The following ERC1 variants were observed in gnomAD, a reference collection of about 807,000 sequenced individuals.
ERC1 encodes RAB6 interacting protein 2.
Under a neutral mutation model 132.0 loss-of-function variants are expected in ERC1, and 56 were observed. That is an observed-to-expected ratio of 0.42 (90% CI 0.34 to 0.53). The LOEUF (loss-of-function observed/expected upper bound fraction) is 0.53. ERC1 is among the 20% of genes least tolerant of loss of function. The pLI is 0.03. For synonymous variants in ERC1, 478 were observed against 476.1 expected, an observed-to-expected ratio of 1.00 and a Z score of -0.05; for missense variants, 1,202 against 1,349.9, an observed-to-expected ratio of 0.89 and a Z score of 1.72.
At chr12:1,454,603 C>T (rs1592160325) in intron 18 of ERC1, among the ~76,000 whole-genome samples, 1 of 152,106 alleles carries the variant, frequency 6.6e-6, no homozygotes, top group Non-Finnish European at 1.5e-5. Flanking sequence ...AGAGTTGTGC[C>T]GACTCTGTGA....
chr12:1,034,501 C>T (rs1968688581), intron 2 of ERC1, among the ~76,000 whole-genome samples: 1 of 151,968 alleles, frequency 6.6e-6, no homozygotes, highest in Non-Finnish European at 1.5e-5. Context: ...TTTTTAAAGG[C>T]TCTACTTTTC....
intron 13 of ERC1, among the ~76,000 whole-genome samples, chr12:1,253,443 G>A (rs558629096): frequency 1.1e-4 from 16 of 152,244 alleles, no homozygotes; most frequent in African/African-American, 1.7e-4. Context: ...TTGGGAAGCC[G>A]AGGCGGGCAG....
chr12:1,177,161 A>G (rs779970413), intron 8 of ERC1, among the ~76,000 whole-genome samples: 3 of 152,170 alleles, frequency 2.0e-5, no homozygotes, highest in Non-Finnish European at 4.4e-5. Flanking sequence ...GGCTTGAGGC[A>G]TGCTGTGGCT....
chr12:1,078,278 TTGACTTCCAAGG>T (rs1290665061), intron 2 of ERC1, among the ~76,000 whole-genome samples: 2 of 152,206 alleles, frequency 1.3e-5, no homozygotes, highest in Non-Finnish European at 2.9e-5. Context: ...AGGATTTTTT[TTGACTTCCAAGG>T]GAAAGAAACT....
chr12:1,192,734 TGA>T lies in ERC1; in HGVS notation c.2351+2683_2351+2684del, dbSNP rs545701127. On this transcript the variant is annotated intron_variant, in intron 12 of 18. Coordinates refer to ENST00000360905, the MANE Select transcript of ERC1 (RefSeq NM_178040.4). ...GTAAGGTTACAGTCTTATACTAGAG[TGA>T]ATTGCTACTGCTGCTTTTGCTACTG... Among the ~76,000 whole-genome samples the T allele has an allele frequency of 4.6e-5, 7 of 152,268 alleles. No individual in the cohort carries two copies. In the South Asian group the frequency reaches 1.2e-3, roughly 27 times the overall value.
At chr12:1,365,084 CAT>C (rs1166315306) in intron 15 of ERC1, among the ~76,000 whole-genome samples, 1 of 152,148 alleles carries the variant, frequency 6.6e-6, no homozygotes, top group African/African-American at 2.4e-5. Context: ...TTTAGATTAA[CAT>C]AGCCTTATAT....
At chr12:1,073,148 A>T (rs1940712872) in intron 2 of ERC1, among the ~76,000 whole-genome samples, 2 of 152,108 alleles carry the variant, frequency 1.3e-5, no homozygotes, top group Non-Finnish European at 2.9e-5. Context: ...AAAAATACAA[A>T]AATTAGCTAG....
At chr12:994,650 A>C (rs1436428501) in intron 1 of ERC1, among the ~76,000 whole-genome samples, 1 of 152,224 alleles carries the variant, frequency 6.6e-6, no homozygotes, top group African/African-American at 2.4e-5. Flanking sequence ...AACTGTGTAT[A>C]CTATTTTTAC....
chr12:1,098,537 GA>G (rs1457395369), intron 3 of ERC1, among the ~76,000 whole-genome samples: 2 of 152,230 alleles, frequency 1.3e-5, no homozygotes, highest in East Asian at 3.8e-4. Context: ...ATCAGGAGGA[GA>G]AAAAGGAGAG....
intron 15 of ERC1, among the ~76,000 whole-genome samples, chr12:1,299,387 T>C (rs1209812894): frequency 6.6e-6 from 1 of 152,116 alleles, no homozygotes; most frequent in Non-Finnish European, 1.5e-5. Context: ...TGTTTGGAAA[T>C]TAGATAACAT....
In ERC1 at chr12:1,196,970, ATATATAT is replaced by A. The variant is rs1346847492; in HGVS notation, c.2351+6920_2351+6926del. 3.5e-4 allele frequency among the ~76,000 whole-genome samples: 21 copies of A among 60,704 alleles called. 2 individuals carry two copies. The highest frequency in any genetic ancestry group is 2.1e-3 in the African/African-American group (17 of 8,056). 39.8% of individuals were successfully genotyped at this position (60,704 alleles called of 152,430 possible). Reference sequence around the variant, plus strand: ...CACACACACACACACACATATATATATATATATTTTTTTTTTTTTTTTTTTTTTAAGA... The same window carrying A: ...CACACACACACACACACATATATATATTTTTTTTTTTTTTTTTTTTTAAGA... On this transcript the variant is annotated intron_variant, in intron 12 of 18. Coordinates refer to ENST00000360905, the MANE Select transcript of ERC1 (RefSeq NM_178040.4).
At chr12:1,438,321 G>A (rs968913853) in intron 17 of ERC1, among the ~76,000 whole-genome samples, 18 of 152,264 alleles carry the variant, frequency 1.2e-4, no homozygotes, top group East Asian at 5.8e-4. Context: ...TTAGCTCTCC[G>A]CTGGGGCCTC....
At chr12:1,269,471 A>G (rs977212661) in intron 14 of ERC1, among the ~76,000 whole-genome samples, 1 of 152,214 alleles carries the variant, frequency 6.6e-6, no homozygotes, top group Non-Finnish European at 1.5e-5. Flanking sequence ...GGGCAAGAAC[A>G]GTGCAAGCTA....
intron 7 of ERC1, among the ~76,000 whole-genome samples, chr12:1,133,622 C>A (rs1641557196): frequency 6.6e-6 from 1 of 152,188 alleles, no homozygotes; most frequent in Non-Finnish European, 1.5e-5. Context: ...TCTGTTCTGA[C>A]ACTTCCCTTT....
chr12:1,125,707 C>T (rs1219218950), intron 7 of ERC1, among the ~76,000 whole-genome samples: 4 of 152,054 alleles, frequency 2.6e-5, no homozygotes, highest in South Asian at 2.1e-4. Flanking sequence ...CTCAGCTACT[C>T]GGAAGGCTGA....
intron 17 of ERC1, among the ~76,000 whole-genome samples, chr12:1,416,439 C>G (rs755465311): frequency 2.6e-5 from 4 of 152,138 alleles, no homozygotes; most frequent in Non-Finnish European, 5.9e-5. Flanking sequence ...GAAACCAGCC[C>G]AAGTGAAACA....
intron 15 of ERC1, among the ~76,000 whole-genome samples, chr12:1,343,980 T>C (rs554127068): frequency 2.4e-4 from 36 of 152,246 alleles, no homozygotes; most frequent in Non-Finnish European, 4.3e-4. Flanking sequence ...TAGCTGGGAC[T>C]ACAGGCACCC....
intron 18 of ERC1, among the ~76,000 whole-genome samples, chr12:1,476,722 C>G (rs2093981510): frequency 6.6e-6 from 1 of 152,088 alleles, no homozygotes; most frequent in African/African-American, 2.4e-5. Flanking sequence ...GGTCTGGTTA[C>G]TTGTCAAAAG....
At chr12:1,038,359 T>C (rs911120642) in intron 2 of ERC1, among the ~76,000 whole-genome samples, 16 of 150,600 alleles carry the variant, frequency 1.1e-4, no homozygotes, top group Non-Finnish European at 4.4e-5. Context: ...CTTTAAAGTA[T>C]AGTTTTTTCT....
Sources: allele counts gnomAD v4.1 joint callset (sites outside exome capture counted in the v4.1 genomes callset), GRCh38; gene constraint gnomAD v4.1.1; transcripts MANE v1.5; gene names NCBI Gene and HGNC (gene_info 2026-07-23, HGNC 2026-07-21).